Variants in DIPK2B observed in about 807,000 individuals in gnomAD.
The protein encoded by DIPK2B is divergent protein kinase domain 2B, also known as UPF0672 protein CXorf36.
In DIPK2B, 15 loss-of-function variants were observed where a neutral mutation model predicts 22.2. That is an observed-to-expected ratio of 0.68 (90% CI 0.45 to 1.04). The LOEUF is 1.04. DIPK2B is among the 50% of genes least tolerant of loss of function. The pLI, the probability that DIPK2B is intolerant of heterozygous loss-of-function variation, is 0.00. For missense variants in DIPK2B, 345 were observed against 348.3 expected, an observed-to-expected ratio of 0.99 and a Z score of 0.08; for synonymous variants, 163 against 153.2, an observed-to-expected ratio of 1.06 and a Z score of -0.47.
At chrX:45,185,088 G>A (rs2047175215) in intron 2 of DIPK2B, among the ~76,000 whole-genome samples, 1 of 112,189 alleles carries the variant, frequency 8.9e-6, no homozygotes, top group Non-Finnish European at 1.9e-5. Context: ...TAGTGGTTAA[G>A]TTCTGCTTAT....
At chrX:45,197,575 C>A (rs1410402949) in intron 1 of DIPK2B, among the ~76,000 whole-genome samples, 1 of 111,114 alleles carries the variant, frequency 9.0e-6, no homozygotes, top group Non-Finnish European at 1.9e-5. Context: ...TTTGGAGATC[C>A]AAAAGAAGAC....
At chrX:45,189,235 G>A (rs900510833) in intron 2 of DIPK2B, among the ~76,000 whole-genome samples, 1 of 112,100 alleles carries the variant, frequency 8.9e-6, no homozygotes. Flanking sequence ...CAATTCTCTT[G>A]GGTGAATAGG....
intron 2 of DIPK2B, chrX:45,164,308 C>T (rs2047036893): frequency 8.8e-7 from 1 of 1,139,972 alleles, no homozygotes; most frequent in Admixed American, 2.4e-5. Context: ...GAAAATGTGA[C>T]ATTAATTTTC....
intron 2 of DIPK2B, among the ~76,000 whole-genome samples, chrX:45,178,562 C>T (rs1446771271): frequency 8.9e-6 from 1 of 111,816 alleles, no homozygotes; most frequent in Non-Finnish European, 1.9e-5. Context: ...TTCACACTAT[C>T]TTTTTCCCTG....
chrX:45,174,286 T>C (rs2047104190), intron 2 of DIPK2B, among the ~76,000 whole-genome samples: 1 of 111,969 alleles, frequency 8.9e-6, no homozygotes, highest in Non-Finnish European at 1.9e-5. Flanking sequence ...AAGTGATTTA[T>C]TCAACAAAAG....
chrX:45,163,921 C>A, intron 2 of DIPK2B: 1 of 905,396 alleles, frequency 1.1e-6, no homozygotes, highest in Non-Finnish European at 1.4e-6. Context: ...GGGGTGGGCT[C>A]AGCAACAGCC....
chrX:45,186,654 C>T (rs2047184554), intron 2 of DIPK2B, among the ~76,000 whole-genome samples: 2 of 112,269 alleles, frequency 1.8e-5, no homozygotes, highest in Admixed American at 1.9e-4. Flanking sequence ...GACCTAGTAG[C>T]CTGTGAGGCA....
intron 1 of DIPK2B, among the ~76,000 whole-genome samples, chrX:45,194,690 C>A (rs1231655052): frequency 1.3e-4 from 14 of 111,902 alleles, no homozygotes; most frequent in Admixed American, 1.2e-3. Context: ...ATTATTTTGT[C>A]CCTTCCCCAT....
At chrX:45,188,769 A>G (rs5952709) in intron 2 of DIPK2B, among the ~76,000 whole-genome samples, 37,388 of 110,469 alleles carry the variant, frequency 0.34, 4,907 homozygotes, top group East Asian at 0.76. Flanking sequence ...GCCCTTGGCA[A>G]CCACTGATTT....
intron 2 of DIPK2B, among the ~76,000 whole-genome samples, chrX:45,174,123 A>G (rs759546130): frequency 3.6e-5 from 4 of 111,687 alleles, no homozygotes; most frequent in Admixed American, 2.8e-4. Flanking sequence ...TGGCAGTTCC[A>G]ACCCAGGTCT....
At chrX:45,184,016 T>C (rs771265935) in intron 2 of DIPK2B, among the ~76,000 whole-genome samples, 1 of 111,397 alleles carries the variant, frequency 9.0e-6, no homozygotes, top group Non-Finnish European at 1.9e-5. Context: ...TATAAGAAGA[T>C]CATATATAAC....
chrX:45,154,386 A>ATATC (rs904034957), intron 3 of DIPK2B, among the ~76,000 whole-genome samples, 188 bp from the exon 4 acceptor site: 1 of 110,145 alleles, frequency 9.1e-6, no homozygotes, highest in Admixed American at 9.7e-5. Flanking sequence ...CTATCTACCT[A>ATATC]TATCTATCTA....
intron 1 of DIPK2B, among the ~76,000 whole-genome samples, chrX:45,193,930 C>T (rs902636425): frequency 4.5e-5 from 5 of 110,283 alleles, no homozygotes; most frequent in Admixed American, 9.7e-5. Flanking sequence ...CCCCACTCCC[C>T]GGCCACTAAA....
At chrX:45,153,474 TTGTGTGTGTGTGTGTGTGTGTGTGTG>T (rs34281975) in intron 4 of DIPK2B, among the ~76,000 whole-genome samples, 1 of 73,853 alleles carries the variant, frequency 1.4e-5, no homozygotes. Context: ...CCCAAAAGTT[TTGTGTGTGTGTGTGTGTGTGTGTGTG>T]TGTGTGTGTG....
chrX:45,151,615 A>C lies in DIPK2B; in HGVS notation c.*37T>G. 1 of 1,159,992 alleles carries C rather than the reference A, an allele frequency of 8.6e-7. No individual in the cohort carries two copies. The highest frequency in any genetic ancestry group is 1.2e-6 in the Non-Finnish European group (1 of 858,389). On this transcript the variant is annotated 3_prime_UTR_variant, in exon 5 of 5. Transcript: ENST00000398000. ...ACCCGACTGGGAGAATGGAGAGCCA[A>C]GCGTGTTGTCCCCAAGGCCAGCTAG...
rs140906822 is a variant in DIPK2B, at chrX:45,193,168, C to T, written c.234-1153G>A. Reference sequence around the variant, plus strand: ...TTATCCAGCTGTGTGCTGATATTTCCGTTAGGGAAGAATGTTAAATCTCTT... The same window carrying T: ...TTATCCAGCTGTGTGCTGATATTTCTGTTAGGGAAGAATGTTAAATCTCTT... On this transcript the variant is annotated intron_variant, in intron 1 of 4. Coordinates refer to ENST00000398000, the MANE Select transcript of DIPK2B (RefSeq NM_176819.4). Among the ~76,000 whole-genome samples the T allele has an allele frequency of 5.3e-3, 591 of 112,272 alleles. 1 individual carries two copies. The highest frequency in any genetic ancestry group is 0.018 in the African/African-American group (555 of 30,926).
At chrX:45,176,828 C>T (rs2047121250) in intron 2 of DIPK2B, among the ~76,000 whole-genome samples, 1 of 111,681 alleles carries the variant, frequency 9.0e-6, no homozygotes, top group Non-Finnish European at 1.9e-5. Flanking sequence ...GGTCAAAATA[C>T]CTCAGTTGTC....
intron 2 of DIPK2B, among the ~76,000 whole-genome samples, chrX:45,158,706 C>T (rs997319009): frequency 1.8e-5 from 2 of 111,923 alleles, no homozygotes; most frequent in African/African-American, 3.2e-5. Context: ...GCTTCCACAA[C>T]TACCAACTGT....
chrX:45,191,746 C>T lies in DIPK2B; in HGVS notation c.498+5G>A, dbSNP rs756523280. 1 of 1,207,398 alleles carries T rather than the reference C, an allele frequency of 8.3e-7. No homozygotes were observed. Among genetic ancestry groups the T allele is most frequent in the Non-Finnish European group, 1.1e-6 (1 of 894,298 alleles). Reference sequence around the variant, plus strand: ...ACACCCCCTTCCCATGGCCTTCACACTCACCTGCACCAGGTCCGGCGTGAG... The same window carrying T: ...ACACCCCCTTCCCATGGCCTTCACATTCACCTGCACCAGGTCCGGCGTGAG... On this transcript the variant is annotated splice_donor_5th_base_variant and intron_variant, in intron 2 of 4. Coordinates refer to ENST00000398000, the MANE Select transcript of DIPK2B (RefSeq NM_176819.4).
Sources: allele counts gnomAD v4.1 joint callset (sites outside exome capture counted in the v4.1 genomes callset), GRCh38; gene constraint gnomAD v4.1.1; transcripts MANE v1.5; gene names NCBI Gene and HGNC (gene_info 2026-07-23, HGNC 2026-07-21).